Variants in TRPV3 observed in about 807,000 individuals in gnomAD.
TRPV3 encodes the protein VRL-3.
Under a neutral mutation model 87.1 loss-of-function variants are expected in TRPV3, and 88 were observed. The ratio of observed to expected loss-of-function variants is 1.01; its 90% CI spans 0.85 to 1.21. The LOEUF (loss-of-function observed/expected upper bound fraction) is 1.21. Among genes scored for constraint, TRPV3 ranks in the 50% most tolerant of loss-of-function variants. The pLI is 0.00. For missense variants in TRPV3, 1,054 were observed against 1,030.1 expected (o/e 1.02, Z -0.32); for synonymous variants, 438 against 423.3 (o/e 1.03, Z -0.43).
rs1173342840 is a variant in TRPV3, at chr17:3,556,064, C to T, written c.-2-1212G>A. On this transcript the variant is annotated intron_variant, in intron 1 of 17. Coordinates refer to ENST00000576742, the MANE Select transcript of TRPV3 (RefSeq NM_145068.4). This position sits in a 1 kb window ranked among gnomAD's most constrained non-coding sequence, Gnocchi z 4.2. ...TGGTGGTACATGCCTGTAGTCCCAGCTAGTCGGGAGGCTGAGGCAGGAGAA... is the reference window on the plus strand; with the variant it reads ...TGGTGGTACATGCCTGTAGTCCCAGTTAGTCGGGAGGCTGAGGCAGGAGAA... 2.0e-5 allele frequency among the ~76,000 whole-genome samples: 3 copies of T among 151,768 alleles called. No individual in the cohort carries two copies. The highest frequency in any genetic ancestry group is 4.4e-5 in the Non-Finnish European group (3 of 67,970).
intron 2 of TRPV3, among the ~76,000 whole-genome samples, chr17:3,549,103 A>G (rs1241126204): frequency 1.3e-5 from 2 of 152,094 alleles, no homozygotes; most frequent in African/African-American, 4.8e-5. Context: ...GCCCCAAAAC[A>G]TCCTGGTTGA....
At chr17:3,551,303 G>A (rs560716587) in intron 2 of TRPV3, among the ~76,000 whole-genome samples, 148 of 152,316 alleles carry the variant, frequency 9.7e-4, no homozygotes, top group South Asian at 1.9e-3. Flanking sequence ...CTGCTAGACC[G>A]TGAAGGTCTG....
rs322937 is a variant in TRPV3, at chr17:3,543,591, T to C, written c.349A>G (p.Arg117Gly). The C allele has an allele frequency of 0.38, 607,975 of 1,613,884 alleles. 119,539 individuals are homozygous for C. Among genetic ancestry groups the C allele is most frequent in the Non-Finnish European group, 0.41 (480,304 of 1,179,950 alleles). ...LAKEEQRRKKRRLKKRIFAAV... is the reference protein window; with the variant it reads ...LAKEEQRRKKGRLKKRIFAAV... Reference sequence around the variant, plus strand: ...GCAAAGATGCGCTTCTTCAGCCGCCTCTTTTTCCTCCTCTGCTCTTCCTTG... The same window carrying C: ...GCAAAGATGCGCTTCTTCAGCCGCCCCTTTTTCCTCCTCTGCTCTTCCTTG... Residue 117 changes from arginine to glycine, a missense_variant, in exon 5 of 18, where the codon AGG (arginine) becomes GGG (glycine). Arg to Gly is a moderately radical substitution (Grantham distance 125, BLOSUM62 -2). Coordinates refer to ENST00000576742, the MANE Select transcript of TRPV3 (RefSeq NM_145068.4).
chr17:3,535,234 C>CCCT (rs2074392252), intron 7 of TRPV3, among the ~76,000 whole-genome samples: 1 of 46,108 alleles, frequency 2.2e-5, no homozygotes, highest in Non-Finnish European at 5.0e-5. Flanking sequence ...CCTCCCTCCT[C>CCCT]CCTCCCTCCC....
intron 6 of TRPV3, among the ~76,000 whole-genome samples, chr17:3,536,657 G>A (rs554169208): frequency 6.6e-6 from 1 of 152,304 alleles, no homozygotes; most frequent in Admixed American, 6.5e-5. Flanking sequence ...CACATGAAGG[G>A]TGGAGAAAGG....
chr17:3,537,812 A>T (rs1012687088), intron 6 of TRPV3, among the ~76,000 whole-genome samples: 2 of 150,588 alleles, frequency 1.3e-5, no homozygotes, highest in Non-Finnish European at 3.0e-5. Flanking sequence ...AGGTTGAAGC[A>T]GGAGAATCAC....
chr17:3,514,588 A>T lies in TRPV3; in HGVS notation c.2278+5T>A, dbSNP rs575602910. Reference sequence around the variant, plus strand: ...GGACACCATGTCACCTCACAGCGACAGTACCTGTTCGTCTTACAGGCCCCG... The same window carrying T: ...GGACACCATGTCACCTCACAGCGACTGTACCTGTTCGTCTTACAGGCCCCG... On this transcript the variant is annotated splice_donor_5th_base_variant and intron_variant, in intron 17 of 17. Coordinates refer to ENST00000576742, the MANE Select transcript of TRPV3 (RefSeq NM_145068.4). 4.3e-6 allele frequency: 7 copies of T among 1,610,938 alleles called. No homozygotes were observed. Among genetic ancestry groups the T allele is most frequent in the Non-Finnish European group, 5.9e-6 (7 of 1,177,164 alleles).
chr17:3,550,430 T>C (rs1267875179), intron 2 of TRPV3, among the ~76,000 whole-genome samples: 1 of 151,608 alleles, frequency 6.6e-6, no homozygotes, highest in Non-Finnish European at 1.5e-5. Context: ...CATCACTCCA[T>C]AGTGTCCTCG....
chr17:3,540,153 A>G (rs932164767), intron 6 of TRPV3, among the ~76,000 whole-genome samples: 83 of 152,352 alleles, frequency 5.4e-4, no homozygotes, highest in African/African-American at 1.9e-3. Flanking sequence ...ATGAAAATAA[A>G]TGAAGATAGG....
intron 6 of TRPV3, among the ~76,000 whole-genome samples, chr17:3,538,576 T>C (rs2074429266): frequency 6.8e-6 from 1 of 146,126 alleles, no homozygotes; most frequent in African/African-American, 2.6e-5. Flanking sequence ...CTTTATTTTA[T>C]TTATTTAAAA....
chr17:3,523,246 T>C (rs1597470690), intron 13 of TRPV3, among the ~76,000 whole-genome samples: 1 of 152,186 alleles, frequency 6.6e-6, no homozygotes, highest in African/African-American at 2.4e-5. Context: ...CAAACTAGTA[T>C]CCAATTCAGC....
chr17:3,522,316 G>A (rs2074254697), intron 13 of TRPV3, among the ~76,000 whole-genome samples: 6 of 152,142 alleles, frequency 3.9e-5, no homozygotes, highest in Admixed American at 2.0e-4. Flanking sequence ...GAGAACAGTA[G>A]TCCGCCCTTC....
chr17:3,529,671 C>T (rs932295488), intron 9 of TRPV3, among the ~76,000 whole-genome samples: 1 of 152,144 alleles, frequency 6.6e-6, no homozygotes, highest in Non-Finnish European at 1.5e-5. Context: ...TGGCCGTATA[C>T]ACCAACGGGG....
chr17:3,521,680 T>C (rs1439948119), intron 13 of TRPV3, among the ~76,000 whole-genome samples: 2 of 152,206 alleles, frequency 1.3e-5, no homozygotes, highest in African/African-American at 4.8e-5. Context: ...ATTATATATG[T>C]CAGCTGTACC....
intron 14 of TRPV3, among the ~76,000 whole-genome samples, chr17:3,519,410 A>ATGAT (rs1567630394): frequency 1.4e-5 from 2 of 138,146 alleles, no homozygotes; most frequent in African/African-American, 6.1e-5. Context: ...GGATGGATGG[A>ATGAT]TGGATGGATG....
intron 12 of TRPV3, among the ~76,000 whole-genome samples, chr17:3,524,588 C>T (rs150002474): frequency 2.0e-3 from 300 of 152,242 alleles, no homozygotes; most frequent in Middle Eastern, 6.8e-3. Flanking sequence ...CTGATTGCAG[C>T]TGGTGGGGAC....
chr17:3,544,630 T>TG lies in TRPV3; in HGVS notation c.259dup (p.Gln87ProfsTer6), dbSNP rs911130511. 1.9e-6 allele frequency: 3 copies of TG among 1,608,778 alleles called. No homozygotes were observed. Among genetic ancestry groups the TG allele is most frequent in the South Asian group, 1.1e-5 (1 of 90,506 alleles). ...CTCTGTCACATCATCCTGAGGAGAC[T>TG]GGGGGGAGTCCATGTCATCACAGTT... On this transcript the variant is annotated frameshift_variant, in exon 4 of 18. Transcript: ENST00000576742. LOFTEE classifies it high-confidence loss of function.
rs1462106627 is a variant in TRPV3 at position 3,532,833 on chromosome 17, T to G, written c.889A>C (p.Asn297His). The change falls in exon 8 of 18, where the codon AAC becomes CAC. Residue 297 changes from asparagine (N) to histidine (H), a missense_variant. Physicochemically the swap from Asn to His is moderately conservative, Grantham distance 68 (BLOSUM62 1). Transcript: ENST00000576742. ...TDITSRDSRG[N>H]NILHALVTVA... ...GTCACCAGGGCGTGAAGGATGTTGT[T>G]GCCTCGTGAGTCCCGCGAGGTGATG... 1 of 1,614,244 alleles carries G rather than the reference T, an allele frequency of 6.2e-7. No individual in the cohort carries two copies. The highest frequency in any genetic ancestry group is 1.1e-5 in the South Asian group (1 of 91,088).
chr17:3,524,524 A>G (rs1005078409), intron 12 of TRPV3, among the ~76,000 whole-genome samples, 161 bp from the exon 13 acceptor site: 1 of 152,170 alleles, frequency 6.6e-6, no homozygotes, highest in Non-Finnish European at 1.5e-5. Flanking sequence ...TTTGGCTACC[A>G]TAGAATTCAG....
Sources: allele counts gnomAD v4.1 joint callset (sites outside exome capture counted in the v4.1 genomes callset), GRCh38; gene constraint gnomAD v4.1.1; non-coding constraint Gnocchi (gnomAD v3.1); transcripts MANE v1.5; gene names NCBI Gene and HGNC (gene_info 2026-07-23, HGNC 2026-07-21).